The following MTCL1 variants were observed in gnomAD, a reference collection of about 807,000 sequenced individuals.
MTCL1 encodes microtubule crosslinking factor 1.
MTCL1 carries 79 observed loss-of-function variants against 141.4 expected under a neutral mutation model. The observed-to-expected ratio is 0.56, with a 90% CI of 0.47 to 0.67. The LOEUF (loss-of-function observed/expected upper bound fraction) is 0.67. Ranked by LOEUF, MTCL1 falls within the 30% of genes least tolerant of loss-of-function variation. MTCL1 has a pLI of 0.00. For missense variants in MTCL1, 2,177 were observed against 2,113.9 expected (o/e 1.03, Z -0.59); for synonymous variants, 914 against 875.8 (o/e 1.04, Z -0.77).
At chr18:8,755,224 G>A (rs1310901399) in intron 4 of MTCL1, among the ~76,000 whole-genome samples, 1 of 152,198 alleles carries the variant, frequency 6.6e-6, no homozygotes, top group Admixed American at 6.5e-5. Context: ...CAGGACGAGG[G>A]GCAGGACCTA....
intron 11 of MTCL1, 161 bp from the exon 11 acceptor site, chr18:8,812,818 T>C: frequency 1.2e-6 from 1 of 857,970 alleles, no homozygotes; most frequent in Admixed American, 3.0e-5. Context: ...TGTCAAACGC[T>C]CTTAATTAGG....
At position 8,827,578 on chromosome 18, in the gene MTCL1, G is replaced by T. The variant is rs12956773; in HGVS notation, c.4723-1330G>T. Reference sequence around the variant, plus strand: ...AGGTGACAAATGGTGTCTTCTTTGGGCTACTGTTACCCCATCCTTCTGGGG... The same window carrying T: ...AGGTGACAAATGGTGTCTTCTTTGGTCTACTGTTACCCCATCCTTCTGGGG... On this transcript the variant is annotated intron_variant, in intron 15 of 16. Coordinates refer to ENST00000359865, the Ensembl canonical transcript of MTCL1. Among the ~76,000 whole-genome samples, 1,362 of 152,270 alleles carry T rather than the reference G, an allele frequency of 8.9e-3. 36 individuals are homozygous for T. The East Asian group carries it at 0.11, about 12-fold the overall frequency.
intron 4 of MTCL1, among the ~76,000 whole-genome samples, chr18:8,740,478 G>T (rs1027737033): frequency 6.6e-6 from 1 of 152,042 alleles, no homozygotes; most frequent in Non-Finnish European, 1.5e-5. Flanking sequence ...TTTTATTTTA[G>T]CTTATTAATT....
intron 12 of MTCL1, among the ~76,000 whole-genome samples, chr18:8,817,630 G>A (rs1009262493): frequency 6.6e-6 from 1 of 152,094 alleles, no homozygotes; most frequent in South Asian, 2.1e-4. Flanking sequence ...GATGCAGTTT[G>A]TAGTGATGCT....
At chr18:8,772,290 CA>C (rs1336100356) in intron 4 of MTCL1, among the ~76,000 whole-genome samples, 3 of 152,222 alleles carry the variant, frequency 2.0e-5, no homozygotes, top group Non-Finnish European at 4.4e-5. Context: ...AAAACAATAT[CA>C]GCTTGTGGGA....
At chr18:8,733,174 C>T (rs1023607078) in intron 4 of MTCL1, among the ~76,000 whole-genome samples, 2 of 152,156 alleles carry the variant, frequency 1.3e-5, no homozygotes, top group African/African-American at 4.8e-5. Flanking sequence ...GGGCAGCCCT[C>T]GGGACTGTCA....
chr18:8,811,745 A>T lies in MTCL1; in HGVS notation c.2605-1234A>T, dbSNP rs373737016. ...CTTCACAAATAAACTGGGAATAAGG[A>T]TACCTATACGTATTTACAGGATTGC... On this transcript the variant is annotated intron_variant, in intron 11 of 16. Transcript: ENST00000359865. Among the ~76,000 whole-genome samples, 22 of 152,326 alleles carry T rather than the reference A, an allele frequency of 1.4e-4. No homozygotes were observed. In the South Asian group the frequency reaches 3.1e-3, roughly 22 times the overall value.
intron 5 of MTCL1, among the ~76,000 whole-genome samples, chr18:8,781,179 C>CAAAA (rs56370900): frequency 1.4e-3 from 96 of 67,342 alleles, no homozygotes; most frequent in East Asian, 1.9e-3. Flanking sequence ...GACTCCATCT[C>CAAAA]AAAAAAAAAA....
rs1195731074 is a variant in MTCL1, at chr18:8,779,700, C to T, written c.417+1808C>T. 6.6e-6 allele frequency among the ~76,000 whole-genome samples: 1 copy of T among 152,190 alleles called. No individual in the cohort carries two copies. Among genetic ancestry groups the T allele is most frequent in the Non-Finnish European group, 1.5e-5 (1 of 68,032 alleles). On this transcript the variant is annotated intron_variant, in intron 5 of 16. Coordinates refer to ENST00000359865, the Ensembl canonical transcript of MTCL1. The surrounding 1 kb of genome is among the most constrained non-coding windows in gnomAD (Gnocchi z 4.1). ...TCCCATGGCTTCCAGGACAGTCTTT[C>T]TTTCAAACCCTGCTTTAGTCTTGGT...
intron 4 of MTCL1, among the ~76,000 whole-genome samples, chr18:8,734,342 G>C (rs1247468076): frequency 6.6e-6 from 1 of 152,092 alleles, no homozygotes; most frequent in Non-Finnish European, 1.5e-5. Flanking sequence ...GGATTTGTTT[G>C]ACAAGATTGT....
At chr18:8,729,970 T>A (rs1187727755) in intron 4 of MTCL1, among the ~76,000 whole-genome samples, 1 of 152,132 alleles carries the variant, frequency 6.6e-6, no homozygotes, top group Non-Finnish European at 1.5e-5. Flanking sequence ...TTGAATTAAT[T>A]TTTGTATATG....
rs530124071 is a variant in MTCL1 at position 8,828,703 on chromosome 18, G to C, written c.4723-205G>C. Among the ~76,000 whole-genome samples the C allele has an allele frequency of 5.3e-5, 8 of 152,196 alleles. No individual in the cohort carries two copies. The highest frequency in any genetic ancestry group is 1.0e-4 in the Non-Finnish European group (7 of 68,044). Reference sequence around the variant, plus strand: ...GGCAGAGGGCAGGCCTGTGTGCCTAGTGCCTGGCCACTTCCCCACACCTGC... The same window carrying C: ...GGCAGAGGGCAGGCCTGTGTGCCTACTGCCTGGCCACTTCCCCACACCTGC... On this transcript the variant is annotated intron_variant, in intron 15 of 16. Coordinates refer to ENST00000359865, the Ensembl canonical transcript of MTCL1. This position sits in a 1 kb window ranked among gnomAD's most constrained non-coding sequence, Gnocchi z 5.2.
rs144633551 is a variant in MTCL1, at chr18:8,825,531, A to G, written c.4021A>G (p.Ser1341Gly). The G allele has an allele frequency of 5.8e-5, 93 of 1,612,302 alleles. No homozygotes were observed. In the African/African-American group the frequency reaches 1.2e-3, roughly 20 times the overall value. Residue 1341 changes from serine (S) to glycine (G), a missense_variant, in exon 15 of 17, where the codon AGC becomes GGC. Ser to Gly is a moderately conservative substitution (Grantham distance 56). Transcript: ENST00000359865. The stretch of plus-strand genomic sequence containing the variant: ...AGCCCTGCGTGGCAGCGGTGTCACC[A>G]GCAGCCCCCACAAGTGTCTCACTCC...
chr18:8,728,821 G>A lies in MTCL1; in HGVS notation c.357+8325G>A, dbSNP rs560889257. Among the ~76,000 whole-genome samples, 226 of 123,598 alleles carry A rather than the reference G, an allele frequency of 1.8e-3. 1 individual carries two copies. The highest frequency in any genetic ancestry group is 6.5e-3 in the African/African-American group (211 of 32,310). The allele number at this position is 123,598 out of a possible 152,430, so 81.1% of individuals were successfully genotyped here. A position where few individuals can be genotyped will look rare whatever the true frequency, so the allele number is the denominator to read the frequency against. On this transcript the variant is annotated intron_variant, in intron 4 of 16. Transcript: ENST00000359865. ...TTGATCTCGGCTCGCTGCAACCTCCGCCTCCCGAGTTCAAGCGATTCTCCT... is the reference window on the plus strand; with the variant it reads ...TTGATCTCGGCTCGCTGCAACCTCCACCTCCCGAGTTCAAGCGATTCTCCT...
In MTCL1 at chr18:8,798,124, C is replaced by T. The variant is rs528666485; in HGVS notation, c.2269C>T (p.Leu757Phe). 23 of 1,592,112 alleles carry T rather than the reference C, an allele frequency of 1.4e-5. No individual in the cohort carries two copies. In the African/African-American group the frequency reaches 2.6e-4, roughly 18 times the overall value. Residue 757 changes from leucine to phenylalanine, a missense_variant, in exon 10 of 17, where the codon CTC (leucine) becomes TTC (phenylalanine). By Grantham distance (22) the Leu-to-Phe change is conservative. Transcript: ENST00000359865. The stretch of plus-strand genomic sequence containing the variant: ...TGAACATCCAGAGACCCTCTCCAGG[C>T]TCGGGGAGCTTGGAGTCCAGGGGGG...
intron 4 of MTCL1, among the ~76,000 whole-genome samples, chr18:8,775,674 A>G (rs1009780147): frequency 1.3e-5 from 2 of 152,154 alleles, no homozygotes; most frequent in African/African-American, 4.8e-5. Context: ...TGTCTTTAAG[A>G]CAGGCTTACC....
intron 4 of MTCL1, among the ~76,000 whole-genome samples, chr18:8,772,846 T>C (rs1374083484): frequency 6.6e-6 from 1 of 152,042 alleles, no homozygotes; most frequent in Non-Finnish European, 1.5e-5. Flanking sequence ...ATGAGGACTA[T>C]AATGAGTCCT....
At chr18:8,724,346 G>A (rs1179145844) in intron 4 of MTCL1, among the ~76,000 whole-genome samples, 1 of 152,086 alleles carries the variant, frequency 6.6e-6, no homozygotes, top group African/African-American at 2.4e-5. Flanking sequence ...AGGAGGCAGA[G>A]GTTGCAGTGA....
chr18:8,742,814 G>T (rs2096312057), intron 4 of MTCL1, among the ~76,000 whole-genome samples: 2 of 152,200 alleles, frequency 1.3e-5, no homozygotes, highest in South Asian at 4.1e-4. Context: ...GCAGTCCATG[G>T]TTTATACAGT....
Sources: gnomAD v4.1 joint callset for allele counts (sites outside exome capture counted in the v4.1 genomes callset) on GRCh38, gnomAD v4.1.1 for gene constraint, Gnocchi (gnomAD v3.1) non-coding constraint, MANE v1.5 for transcripts, NCBI Gene and HGNC (gene_info 2026-07-23, HGNC 2026-07-21) for gene names.